GIGYF2: variants seen among roughly 807,000 people sequenced by gnomAD.
GIGYF2 encodes the protein GRB10 interacting GYF protein 2, also known as GRB10-interacting GYF protein 2.
Under a neutral mutation model 208.1 loss-of-function variants are expected in GIGYF2, and 25 were observed. That is an observed-to-expected ratio of 0.12 (90% confidence interval 0.09 to 0.17). The LOEUF is 0.17. Among genes scored for constraint, GIGYF2 ranks in the 10% least tolerant of loss-of-function variants. The probability of loss-of-function intolerance (pLI) is 1.00; values close to 1 mark genes in which losing one functional copy is unlikely to be tolerated. For missense variants in GIGYF2, 1,302 were observed against 1,579.4 expected, an observed-to-expected ratio of 0.82 and a Z score of 2.98; for synonymous variants, 534 against 543.8, an observed-to-expected ratio of 0.98 and a Z score of 0.25.
intron 8 of GIGYF2, among the ~76,000 whole-genome samples, chr2:232,779,942 T>C (rs1699654363): frequency 6.6e-6 from 1 of 150,810 alleles, no homozygotes; most frequent in African/African-American, 2.5e-5. Context: ...TGGTGTTAGA[T>C]TTTTTTTTGG....
At chr2:232,856,157 T>C (rs1690561998) in intron 28 of GIGYF2, among the ~76,000 whole-genome samples, 1 of 151,986 alleles carries the variant, frequency 6.6e-6, no homozygotes. Flanking sequence ...ATGGTCTCGA[T>C]ATCCTGACCT....
At position 232,730,893 on chromosome 2, in the gene GIGYF2, G is replaced by A. The variant is rs1241651226; in HGVS notation, c.-43-4262G>A. Reference sequence around the variant, plus strand: ...AGCCTGGGCGACAGAGCGAGACTCCGTCTCAAAAAAAAAAAAAAAAAAAAA... The same window carrying A: ...AGCCTGGGCGACAGAGCGAGACTCCATCTCAAAAAAAAAAAAAAAAAAAAA... On this transcript the variant is annotated intron_variant, in intron 2 of 28. Coordinates refer to ENST00000373563, the MANE Select transcript of GIGYF2 (RefSeq NM_001103146.3). Among the ~76,000 whole-genome samples, 11 of 83,594 alleles carry A rather than the reference G, an allele frequency of 1.3e-4. No individual in the cohort carries two copies. In the East Asian group the frequency reaches 2.2e-3, roughly 17 times the overall value. The allele number at this position is 83,594 out of a possible 152,430, so 54.8% of individuals were successfully genotyped here.
intron 2 of GIGYF2, among the ~76,000 whole-genome samples, chr2:232,727,141 T>A (rs1306205926): frequency 6.6e-6 from 1 of 152,172 alleles, no homozygotes; most frequent in African/African-American, 2.4e-5. Context: ...ATTTTTTGTA[T>A]TTTTAGTAGA....
At chr2:232,710,052 C>T (rs1696315565) in intron 2 of GIGYF2, among the ~76,000 whole-genome samples, 3 of 151,988 alleles carry the variant, frequency 2.0e-5, no homozygotes, top group East Asian at 3.9e-4. Context: ...CTCTGCCTCC[C>T]GGGTTCATGC....
intron 21 of GIGYF2, among the ~76,000 whole-genome samples, 174 bp downstream of exon 21, chr2:232,820,159 C>T (rs1330949810): frequency 6.6e-6 from 1 of 152,044 alleles, no homozygotes; most frequent in Non-Finnish European, 1.5e-5. Flanking sequence ...AAATGAAAAC[C>T]TGTTTTCTAG....
At position 232,832,870 on chromosome 2, in the gene GIGYF2, C is replaced by T; in HGVS notation, c.2543C>T (p.Ala848Val). 8 of 1,553,898 alleles carry T rather than the reference C, an allele frequency of 5.1e-6. No individual in the cohort carries two copies. Among genetic ancestry groups the T allele is most frequent in the Non-Finnish European group, 7.0e-6 (8 of 1,148,408 alleles). Residue 848 changes from alanine to valine, a missense_variant, in exon 22 of 29, where the codon GCA (alanine) becomes GTA (valine). Coordinates refer to ENST00000373563, the MANE Select transcript of GIGYF2 (RefSeq NM_001103146.3). ...CCTTCTGGAAAGGAAGAGGAGGCTG[C>T]AAAATGGGCCCGGGAAGAAGAAGAA... is the stretch of plus-strand genomic sequence containing the variant. ...ELLRKQEEEAAKWAREEEEAQ... is the reference protein window; with the variant it reads ...ELLRKQEEEAVKWAREEEEAQ...
chr2:232,774,201 T>TTA (rs1249589569), intron 8 of GIGYF2, among the ~76,000 whole-genome samples: 2 of 151,950 alleles, frequency 1.3e-5, no homozygotes, highest in African/African-American at 4.8e-5. Context: ...GAGTCCAGAG[T>TTA]TAGTGCCATA....
chr2:232,784,037 A>G (rs1699814080), intron 8 of GIGYF2, among the ~76,000 whole-genome samples: 1 of 152,200 alleles, frequency 6.6e-6, no homozygotes, highest in African/African-American at 2.4e-5. Context: ...CTTACGTACC[A>G]GTAACAATTA....
chr2:232,783,562 A>C (rs1699790555), intron 8 of GIGYF2, among the ~76,000 whole-genome samples: 1 of 152,194 alleles, frequency 6.6e-6, no homozygotes, highest in Non-Finnish European at 1.5e-5. Context: ...ATATTGGTTC[A>C]AGCCATTTTG....
chr2:232,786,739 A>G (rs970409955), intron 8 of GIGYF2, among the ~76,000 whole-genome samples: 3 of 152,200 alleles, frequency 2.0e-5, no homozygotes, highest in African/African-American at 4.8e-5. Context: ...AACAACATTT[A>G]TAACATCCTG....
At chr2:232,735,028 C>T (rs1266505715) in intron 2 of GIGYF2, 127 bp from the exon 3 acceptor site, 2 of 617,772 alleles carry the variant, frequency 3.2e-6, no homozygotes, top group African/African-American at 3.7e-5. Flanking sequence ...GTAGGAATTT[C>T]AAAATCTCAT....
At position 232,815,011 on chromosome 2, in the gene GIGYF2, AGTG is replaced by A. The variant is rs1479083782; in HGVS notation, c.2108-625_2108-623del. Among the ~76,000 whole-genome samples the A allele has an allele frequency of 3.9e-5, 6 of 152,244 alleles. No homozygotes were observed. The East Asian group carries it at 1.2e-3, about 29-fold the overall frequency. On this transcript the variant is annotated intron_variant, in intron 18 of 28. Coordinates refer to ENST00000373563, the MANE Select transcript of GIGYF2 (RefSeq NM_001103146.3). ...TGTTTACTTCCAAATGTGATCTTGC[AGTG>A]CCCTTCAGGTTAGCAGGACCAGGTC...
chr2:232,720,593 G>T (rs141905318), intron 2 of GIGYF2, among the ~76,000 whole-genome samples: 8,503 of 100,238 alleles, frequency 0.085, 406 homozygotes, highest in South Asian at 0.23. Flanking sequence ...ATTTTTGTTT[G>T]TTTGTTTGTT....
At chr2:232,741,264 T>A (rs1250467387) in intron 3 of GIGYF2, among the ~76,000 whole-genome samples, 1 of 152,196 alleles carries the variant, frequency 6.6e-6, no homozygotes, top group East Asian at 1.9e-4. Context: ...TAATTCCTTT[T>A]ACTTCTCTGT....
intron 8 of GIGYF2, among the ~76,000 whole-genome samples, chr2:232,780,432 CAT>C (rs1392182273): frequency 2.0e-5 from 3 of 152,170 alleles, no homozygotes; most frequent in African/African-American, 7.2e-5. Flanking sequence ...TCGTTTTCCT[CAT>C]AGTCATGTTT....
chr2:232,785,534 G>A (rs1699882988), intron 8 of GIGYF2, among the ~76,000 whole-genome samples: 1 of 152,198 alleles, frequency 6.6e-6, no homozygotes, highest in South Asian at 2.1e-4. Flanking sequence ...GGAAACTACA[G>A]TCTTCTTTAA....
At chr2:232,843,150 TG>T (rs1212585588) in intron 23 of GIGYF2, 1 of 122,166 alleles carries the variant, frequency 8.2e-6, no homozygotes, top group African/African-American at 2.8e-5. Flanking sequence ...TGTGTGTGTG[TG>T]TGTGTGTGTG....
chr2:232,807,049 T>A (rs1280166441), intron 15 of GIGYF2, among the ~76,000 whole-genome samples: 1 of 152,108 alleles, frequency 6.6e-6, no homozygotes, highest in African/African-American at 2.4e-5. Context: ...GTTGACCTCT[T>A]TGACTTTCTT....
chr2:232,844,228 G>A lies in GIGYF2; in HGVS notation c.3072G>A (p.Gln1024=). 6.4e-7 allele frequency: 1 copy of A among 1,567,976 alleles called. No homozygotes were observed. Among genetic ancestry groups the A allele is most frequent in the Non-Finnish European group, 8.7e-7 (1 of 1,155,126 alleles). ...QKQQQQQQQH[Q]QPNRARNNTH... Reference sequence around the variant, plus strand: ...AGCAGCAGCAGCAGCAGCAACACCAGCAACCAAACAGAGCTCGTAACAATA... The same window carrying A: ...AGCAGCAGCAGCAGCAGCAACACCAACAACCAAACAGAGCTCGTAACAATA... Residue 1024 remains glutamine, a synonymous_variant, in exon 24 of 29, where the codon CAG becomes CAA. Coordinates refer to ENST00000373563, the MANE Select transcript of GIGYF2 (RefSeq NM_001103146.3).
Sources: allele counts gnomAD v4.1 joint callset (sites outside exome capture counted in the v4.1 genomes callset), GRCh38; gene constraint gnomAD v4.1.1; transcripts MANE v1.5; gene names NCBI Gene and HGNC (gene_info 2026-07-23, HGNC 2026-07-21).